LCT: variants seen among roughly 807,000 people sequenced by gnomAD.
LCT encodes the protein lactase.
A neutral mutation model predicts 173.0 loss-of-function variants in LCT; 90 were observed. The observed-to-expected ratio is 0.52, with a 90% CI of 0.44 to 0.62. LCT has a LOEUF of 0.62. LCT is among the 20% of genes least tolerant of loss of function. The pLI, the probability that LCT is intolerant of heterozygous loss-of-function variation, is 0.00. For missense variants in LCT, 1,864 were observed against 2,431.4 expected (o/e 0.77, Z 4.91); for synonymous variants, 853 against 957.6 (o/e 0.89, Z 2.02).
intron 12 of LCT, 37 bp downstream of exon 12, chr2:135,800,570 A>T: frequency 6.6e-7 from 1 of 1,514,952 alleles, no homozygotes; most frequent in Admixed American, 1.7e-5. Flanking sequence ...GGAAAGATGG[A>T]CAAGAGTAAG....
At position 135,809,495 on chromosome 2, in the gene LCT, A is replaced by T; in HGVS notation, c.2852T>A (p.Ile951Asn). Residue 951 changes from isoleucine (I) to asparagine (N), a missense_variant, in exon 8 of 17, where the codon ATC (isoleucine) becomes AAC (asparagine). Coordinates refer to ENST00000264162, the MANE Select transcript of LCT (RefSeq NM_002299.4). The surrounding 1 kb of genome is among the most constrained non-coding windows in gnomAD (Gnocchi z 5.5). ...CAGCTGGTGATAGCTGTCACAGGCG[A>T]TGTCTCCAGTGGCATTGTCTTTCAC... ...SNVKDNATGD[I>N]ACDSYHQLDA... The T allele has an allele frequency of 2.5e-6, 4 of 1,614,220 alleles. No homozygotes were observed. Among genetic ancestry groups the T allele is most frequent in the Non-Finnish European group, 3.4e-6 (4 of 1,180,044 alleles).
Position 135,808,987 on chromosome 2 carries a change from G to C in LCT, c.3360C>G (p.Ile1120Met). 1 of 1,611,582 alleles carries C rather than the reference G, an allele frequency of 6.2e-7. No homozygotes were observed. Among genetic ancestry groups the C allele is most frequent in the Non-Finnish European group, 8.5e-7 (1 of 1,178,180 alleles). Reference sequence around the variant, plus strand: ...CCCAGTGTGTACTGAGGCTCAGCGAGATGACCCCCTTCTGCTCCTGCCTGT... The same window carrying C: ...CCCAGTGTGTACTGAGGCTCAGCGACATGACCCCCTTCTGCTCCTGCCTGT... The part of the protein sequence containing the change: ...EKYRQEQKGV[I>M]SLSLSTHWAE... The change falls in exon 8 of 17, where the codon ATC (isoleucine) becomes ATG (methionine). Residue 1120 changes from isoleucine (I) to methionine (M), a missense_variant. Transcript: ENST00000264162.
intron 6 of LCT, among the ~76,000 whole-genome samples, chr2:135,815,372 G>A (rs1416924704): frequency 2.6e-5 from 4 of 151,682 alleles, no homozygotes; most frequent in Non-Finnish European, 5.9e-5. Flanking sequence ...GTTTAGATAA[G>A]TTTTACAACA....
intron 6 of LCT, among the ~76,000 whole-genome samples, chr2:135,814,309 C>G (rs1471992221): frequency 6.6e-6 from 1 of 152,110 alleles, no homozygotes; most frequent in Non-Finnish European, 1.5e-5. Flanking sequence ...GCAAGGATGT[C>G]TTTCTTCTAA....
At chr2:135,812,198 C>T (rs1436815688) in intron 7 of LCT, 113 bp downstream of exon 7, 4 of 903,480 alleles carry the variant, frequency 4.4e-6, no homozygotes, top group Non-Finnish European at 7.4e-6. Context: ...CACTATTATG[C>T]TTTCTTTGGC....
intron 2 of LCT, among the ~76,000 whole-genome samples, 187 bp from the exon 3 acceptor site, chr2:135,829,863 C>CG (rs2077920440): frequency 1.5e-5 from 1 of 68,470 alleles, no homozygotes; most frequent in Non-Finnish European, 3.1e-5. Flanking sequence ...GTGTAGGGGG[C>CG]GGGGGGTGCC....
rs761615725 is a variant in LCT, at chr2:135,794,617, C to T, written c.5111+24G>A. On this transcript the variant is annotated intron_variant, in intron 14 of 16. Transcript: ENST00000264162. ...TTTCTGCCTTTTCCAGAGATGGCTC[C>T]GGGCTCCCTGTTGGTGGACTTACCT... is the stretch of plus-strand genomic sequence containing the variant. The T allele has an allele frequency of 6.2e-6, 10 of 1,612,792 alleles. No homozygotes were observed. The South Asian group carries it at 7.7e-5, about 12-fold the overall frequency.
At position 135,836,976 on chromosome 2, in the gene LCT, TG is replaced by T; in HGVS notation, c.193del (p.His65ThrfsTer101). On this transcript the variant is annotated frameshift_variant, in exon 1 of 17. Coordinates refer to ENST00000264162, the MANE Select transcript of LCT (RefSeq NM_002299.4). LOFTEE classifies it high-confidence loss of function. ...TGGCAGGAAAGTGGGCAGTGGCTGGTGACAAACATACATGTCTTTGTCCCCT... is the reference window on the plus strand; with the variant it reads ...TGGCAGGAAAGTGGGCAGTGGCTGGTACAAACATACATGTCTTTGTCCCCT... ...VAGDKDMYVC[H>X]QPLPTFLPEY... 5.6e-6 allele frequency: 9 copies of T among 1,613,494 alleles called. No homozygotes were observed. The highest frequency in any genetic ancestry group is 7.6e-6 in the Non-Finnish European group (9 of 1,179,828).
chr2:135,812,222 G>A, intron 7 of LCT, 89 bp downstream of exon 7: 1 of 1,083,328 alleles, frequency 9.2e-7, no homozygotes, highest in East Asian at 2.3e-5. Flanking sequence ...ATTTCTCTAG[G>A]AGACTTTCTT....
chr2:135,793,081 T>C (rs1288088224), intron 14 of LCT, among the ~76,000 whole-genome samples: 1 of 152,128 alleles, frequency 6.6e-6, no homozygotes. Flanking sequence ...CAACAACTAA[T>C]TCCACTGCCT....
At position 135,797,731 on chromosome 2, in the gene LCT, G is replaced by A. The variant is rs763845493; in HGVS notation, c.4976+298C>T. ...CAGCCACTGCCACCCACATTCACAC[G>A]TGCGGTGATGAAATAGGATAGGATG... On this transcript the variant is annotated intron_variant, in intron 13 of 16. Transcript: ENST00000264162. Among the ~76,000 whole-genome samples the A allele has an allele frequency of 5.3e-5, 8 of 152,162 alleles. 1 individual carries two copies. Among genetic ancestry groups the A allele is most frequent in the Non-Finnish European group, 8.8e-5 (6 of 68,030 alleles).
chr2:135,792,384 T>G (rs1458739026), intron 14 of LCT, among the ~76,000 whole-genome samples: 1 of 152,166 alleles, frequency 6.6e-6, no homozygotes, highest in Non-Finnish European at 1.5e-5. Flanking sequence ...AGCATGAATT[T>G]TCCTGAGCAG....
At chr2:135,815,225 A>G (rs1256484152) in intron 6 of LCT, among the ~76,000 whole-genome samples, 3 of 152,198 alleles carry the variant, frequency 2.0e-5, no homozygotes, top group Non-Finnish European at 4.4e-5. Flanking sequence ...CACTAAGACA[A>G]TGGCATTCTA....
chr2:135,822,166 C>T, intron 4 of LCT, 68 bp from the exon 5 acceptor site: 1 of 964,984 alleles, frequency 1.0e-6, no homozygotes, highest in Non-Finnish European at 1.7e-6. Flanking sequence ...CTGAAATCAA[C>T]AGTTTTCCTC....
At position 135,836,261 on chromosome 2, in the gene LCT, C is replaced by T. The variant is rs530848960; in HGVS notation, c.640+269G>A. Among the ~76,000 whole-genome samples, 11 of 152,028 alleles carry T rather than the reference C, an allele frequency of 7.2e-5. No homozygotes were observed. The East Asian group carries it at 1.4e-3, about 19-fold the overall frequency. On this transcript the variant is annotated intron_variant, in intron 1 of 16. Coordinates refer to ENST00000264162, the MANE Select transcript of LCT (RefSeq NM_002299.4). ...CTCGAACTCCTGACTTCAAGTGATC[C>T]GCCCACCTCGGCCTCCCAAAGTGCT...
intron 7 of LCT, 143 bp downstream of exon 7, chr2:135,812,168 A>G: frequency 1.3e-6 from 1 of 750,110 alleles, no homozygotes; most frequent in Non-Finnish European, 2.4e-6. Context: ...AGAGTTAGGG[A>G]GCTGACGTGA....
chr2:135,818,219 G>T (rs1309862480), intron 5 of LCT, among the ~76,000 whole-genome samples, 158 bp from the exon 6 acceptor site: 2 of 152,214 alleles, frequency 1.3e-5, no homozygotes, highest in Non-Finnish European at 2.9e-5. Flanking sequence ...GTAACTGGCA[G>T]ATGGGAAAAT....
At chr2:135,812,143 T>A (rs2077739491) in intron 7 of LCT, among the ~76,000 whole-genome samples, 168 bp downstream of exon 7, 1 of 152,172 alleles carries the variant, frequency 6.6e-6, no homozygotes, top group Non-Finnish European at 1.5e-5. Flanking sequence ...ATGACATGAA[T>A]GAACCTTGGG....
In LCT at chr2:135,789,665, G is replaced by A; in HGVS notation, c.5469C>T (p.Ile1823=). The change falls in exon 16 of 17, where the codon ATC becomes ATT. Residue 1823 remains isoleucine, a synonymous_variant. Coordinates refer to ENST00000264162, the MANE Select transcript of LCT (RefSeq NM_002299.4). ...CGTAGAACTTCGCTGATGCTTTGGG[G>A]ATCCTTGGCAGAGAAGGGTCACTGT... ...VNYSDPSLPR[I]PKASAKFYAS... The A allele has an allele frequency of 6.2e-7, 1 of 1,614,212 alleles. No individual in the cohort carries two copies. The highest frequency in any genetic ancestry group is 8.5e-7 in the Non-Finnish European group (1 of 1,180,022).
Sources: allele counts gnomAD v4.1 joint callset (sites outside exome capture counted in the v4.1 genomes callset), GRCh38; gene constraint gnomAD v4.1.1; non-coding constraint Gnocchi (gnomAD v3.1); transcripts MANE v1.5; gene names NCBI Gene and HGNC (gene_info 2026-07-23, HGNC 2026-07-21).